The following GOSR1 variants were observed in gnomAD, a reference collection of about 807,000 sequenced individuals.
GOSR1 encodes golgi SNAP receptor complex member 1.
Under a neutral mutation model 35.5 loss-of-function variants are expected in GOSR1, and 21 were observed. The observed-to-expected ratio is 0.59, with a 90% CI of 0.42 to 0.85. GOSR1 has a LOEUF of 0.85. Ranked by LOEUF, GOSR1 falls within the 40% of genes least tolerant of loss-of-function variation. GOSR1 has a pLI of 0.00. For synonymous variants in GOSR1, 94 were observed against 106.6 expected, an observed-to-expected ratio of 0.88 and a Z score of 0.73; for missense variants, 285 against 309.6, an observed-to-expected ratio of 0.92 and a Z score of 0.60.
At chr17:30,516,777 G>A (rs937747546) in intron 7 of GOSR1, among the ~76,000 whole-genome samples, 18 of 152,156 alleles carry the variant, frequency 1.2e-4, no homozygotes, top group South Asian at 1.0e-3. Context: ...GCAGTGGCGC[G>A]ATCTCAGCTC....
At chr17:30,478,044 C>T (rs1293207638) in intron 1 of GOSR1, 1 of 462,652 alleles carries the variant, frequency 2.2e-6, no homozygotes, top group Admixed American at 6.4e-5. Context: ...ATAACTTACC[C>T]TTCTGCTCTA....
At chr17:30,477,941 TG>T (rs1275149269) in intron 1 of GOSR1, 2 of 984,696 alleles carry the variant, frequency 2.0e-6, no homozygotes, top group Non-Finnish European at 2.4e-6. Context: ...GGAGGAAGTA[TG>T]AAGAGAATAG....
intron 6 of GOSR1, among the ~76,000 whole-genome samples, chr17:30,506,379 T>C (rs1885312018): frequency 6.6e-6 from 1 of 152,236 alleles, no homozygotes; most frequent in African/African-American, 2.4e-5. Flanking sequence ...ACCCTATTGC[T>C]GATATGGAGA....
intron 4 of GOSR1, among the ~76,000 whole-genome samples, chr17:30,489,133 C>G (rs557118368): frequency 6.6e-6 from 1 of 152,114 alleles, no homozygotes; most frequent in Non-Finnish European, 1.5e-5. Flanking sequence ...CCTGTAATCC[C>G]AGCATTTTGG....
intron 6 of GOSR1, among the ~76,000 whole-genome samples, chr17:30,505,936 C>T (rs1480414532): frequency 6.6e-6 from 1 of 152,108 alleles, no homozygotes; most frequent in East Asian, 1.9e-4. Flanking sequence ...TTATATTGGC[C>T]AAGCTAGTCT....
chr17:30,499,865 AT>A (rs1400620881), intron 6 of GOSR1, among the ~76,000 whole-genome samples: 1 of 152,024 alleles, frequency 6.6e-6, no homozygotes, highest in Non-Finnish European at 1.5e-5. Context: ...TGTGGTTTTG[AT>A]TTGTATTTCT....
chr17:30,484,066 T>C, intron 2 of GOSR1, 148 bp from the exon 3 acceptor site: 1 of 518,236 alleles, frequency 1.9e-6, no homozygotes, highest in South Asian at 2.8e-5. Flanking sequence ...TCCTTTGGGG[T>C]AAAAATGTAA....
intron 6 of GOSR1, among the ~76,000 whole-genome samples, chr17:30,505,173 T>C (rs759811497): frequency 6.6e-6 from 1 of 152,238 alleles, no homozygotes; most frequent in Non-Finnish European, 1.5e-5. Flanking sequence ...GTTTGGTACA[T>C]TGGTCACTTT....
rs1471961519 is a variant in GOSR1 at position 30,478,022 on chromosome 17, AAGG to A, written c.31+564_31+566del. The A allele has an allele frequency of 4.4e-6, 3 of 676,942 alleles. No individual in the cohort carries two copies. In the African/African-American group the frequency reaches 5.9e-5, roughly 13 times the overall value. 41.9% of individuals were successfully genotyped at this position (676,942 alleles called of 1,614,324 possible). On this transcript the variant is annotated intron_variant, in intron 1 of 8. Coordinates refer to ENST00000451249, the MANE Select transcript of GOSR1 (RefSeq NM_001007025.2). Reference sequence around the variant, plus strand: ...GGGGACTTCCAGGACTGGGTGTTTGAAGGAGGAGAAAATAACTTACCCTTCTGC... The same window carrying A: ...GGGGACTTCCAGGACTGGGTGTTTGAAGGAGAAAATAACTTACCCTTCTGC...
At chr17:30,517,021 C>T (rs79809947) in intron 7 of GOSR1, among the ~76,000 whole-genome samples, 1,757 of 152,294 alleles carry the variant, frequency 0.012, 29 homozygotes, top group African/African-American at 0.039. Flanking sequence ...AGCCCTAACT[C>T]ATTTTTTTAA....
rs1272566558 is a variant in GOSR1, at chr17:30,525,212, AT to A, written c.*2836del. 2.0e-5 allele frequency: 3 copies of A among 152,238 alleles called. No homozygotes were observed. Among genetic ancestry groups the A allele is most frequent in the African/African-American group, 7.2e-5 (3 of 41,456 alleles). The allele number at this position is 152,238 out of a possible 1,614,324, so 9.4% of individuals were successfully genotyped here. A position where few individuals can be genotyped will look rare whatever the true frequency, so the allele number is the denominator to read the frequency against. On this transcript the variant is annotated 3_prime_UTR_variant, in exon 9 of 9. Coordinates refer to ENST00000451249, the MANE Select transcript of GOSR1 (RefSeq NM_001007025.2). ...TACATCATGGTGTATAGATGCTGTT[AT>A]TCAGGCGAACTTGCTCATGGGTGGA...
intron 6 of GOSR1, among the ~76,000 whole-genome samples, chr17:30,506,434 C>CCACAAACCA: frequency 6.6e-6 from 1 of 152,246 alleles, no homozygotes; most frequent in Non-Finnish European, 1.5e-5. Context: ...CCACAACATT[C>CCACAAACCA]CCTTAGCCTA....
intron 4 of GOSR1, among the ~76,000 whole-genome samples, chr17:30,488,227 C>T (rs566785833): frequency 1.2e-4 from 17 of 142,674 alleles, no homozygotes; most frequent in African/African-American, 2.4e-4. Context: ...TGCAGTGGCG[C>T]GGTCTTGGCT....
At chr17:30,507,925 G>A (rs558546552) in intron 6 of GOSR1, among the ~76,000 whole-genome samples, 2 of 152,318 alleles carry the variant, frequency 1.3e-5, no homozygotes, top group South Asian at 4.1e-4. Context: ...TCAGAAGAGT[G>A]TAGAAACTTA....
At chr17:30,494,192 A>AACACAC (rs143873080) in intron 6 of GOSR1, among the ~76,000 whole-genome samples, 6,572 of 150,326 alleles carry the variant, frequency 0.044, 488 homozygotes, top group African/African-American at 0.15. Flanking sequence ...GCCATACTTA[A>AACACAC]ACACACACAC....
At chr17:30,505,569 C>G (rs1009741048) in intron 6 of GOSR1, among the ~76,000 whole-genome samples, 1 of 152,150 alleles carries the variant, frequency 6.6e-6, no homozygotes, top group Non-Finnish European at 1.5e-5. Flanking sequence ...ATGCTCACTT[C>G]GTGTCTCTGT....
intron 6 of GOSR1, among the ~76,000 whole-genome samples, chr17:30,509,124 C>T (rs565377934): frequency 1.3e-5 from 2 of 152,108 alleles, no homozygotes; most frequent in South Asian, 2.1e-4. Context: ...TACAGGTGCC[C>T]GCCACCATGC....
chr17:30,511,582 T>C (rs997861865), intron 7 of GOSR1, among the ~76,000 whole-genome samples: 7 of 151,722 alleles, frequency 4.6e-5, no homozygotes, highest in African/African-American at 1.7e-4. Context: ...CAGGCTAGAG[T>C]GCAGTGGTGC....
intron 6 of GOSR1, among the ~76,000 whole-genome samples, chr17:30,494,156 G>A (rs1481483741): frequency 6.6e-6 from 1 of 150,754 alleles, no homozygotes; most frequent in African/African-American, 2.4e-5. Context: ...CCTGGAAAAA[G>A]AGTAAATCAG....
Sources: allele counts gnomAD v4.1 joint callset (sites outside exome capture counted in the v4.1 genomes callset), GRCh38; gene constraint gnomAD v4.1.1; transcripts MANE v1.5; gene names NCBI Gene and HGNC (gene_info 2026-07-23, HGNC 2026-07-21).